Variants in UBR1 observed in about 807,000 individuals in gnomAD.
UBR1 encodes the protein E3 ubiquitin-protein ligase UBR1.
UBR1 carries 102 observed loss-of-function variants against 242.1 expected under a neutral mutation model. The observed-to-expected ratio is 0.42, with a 90% CI of 0.36 to 0.50. UBR1 has a LOEUF of 0.50. UBR1 is among the 20% of genes least tolerant of loss of function. The pLI, the probability that UBR1 is intolerant of heterozygous loss-of-function variation, is 0.01. For missense variants in UBR1, 1,772 were observed against 2,101.8 expected (o/e 0.84, Z 3.07); for synonymous variants, 675 against 684.8 (o/e 0.99, Z 0.22).
chr15:43,006,240 T>C (rs1191320562), intron 30 of UBR1, among the ~76,000 whole-genome samples: 3 of 152,216 alleles, frequency 2.0e-5, no homozygotes, highest in Admixed American at 6.5e-5. Flanking sequence ...ATGGAACTAA[T>C]AGTGATAACT....
rs763162821 is a variant in UBR1 at position 42,983,918 on chromosome 15, G to A, written c.4129C>T (p.His1377Tyr). 2.5e-6 allele frequency: 4 copies of A among 1,612,738 alleles called. No homozygotes were observed. Among genetic ancestry groups the A allele is most frequent in the South Asian group, 1.1e-5 (1 of 90,986 alleles). ...CTACCTGATAGAAGACGAACCAGATGTTTCTGTATCAGGACCTGAGGACAG... is the reference window on the plus strand; with the variant it reads ...CTACCTGATAGAAGACGAACCAGATATTTCTGTATCAGGACCTGAGGACAG... ...ITCPQVLIQK[H>Y]LVRLLSVVLP... The change falls in exon 37 of 47, where the codon CAT becomes TAT. Residue 1377 changes from histidine (H) to tyrosine (Y), a missense_variant. This residue lies in a region of UBR1 where 965 missense variants were observed against 1,079.7 expected (regional missense o/e 0.89). Transcript: ENST00000290650.
chr15:43,060,262 G>A, intron 6 of UBR1, 148 bp from the exon 7 acceptor site: 1 of 796,106 alleles, frequency 1.3e-6, no homozygotes, highest in Non-Finnish European at 2.2e-6. Flanking sequence ...ATATCTGAAA[G>A]ACAGATGCAA....
At chr15:43,069,553 G>A (rs896125289) in intron 5 of UBR1, among the ~76,000 whole-genome samples, 8 of 152,232 alleles carry the variant, frequency 5.3e-5, no homozygotes, top group Non-Finnish European at 1.2e-4. Flanking sequence ...GGGATTACAG[G>A]CGTGAGCCGC....
chr15:42,945,081 A>C lies in UBR1; in HGVS notation c.*248T>G, dbSNP rs2031709825. On this transcript the variant is annotated 3_prime_UTR_variant, in exon 47 of 47. Coordinates refer to ENST00000290650, the MANE Select transcript of UBR1 (RefSeq NM_174916.3). ...ATAAAATGAAATGAGACAAATTATG[A>C]AGGGGAATAAATTCCTGGAAATACT... 2.0e-6 allele frequency: 1 copy of C among 498,824 alleles called. No homozygotes were observed. The highest frequency in any genetic ancestry group is 1.9e-5 in the African/African-American group (1 of 51,510). 30.9% of individuals were successfully genotyped at this position (498,824 alleles called of 1,614,324 possible). A position where few individuals can be genotyped will look rare whatever the true frequency, so the allele number is the denominator to read the frequency against.
chr15:43,083,034 A>G (rs1228013032), intron 2 of UBR1, among the ~76,000 whole-genome samples: 3 of 152,238 alleles, frequency 2.0e-5, no homozygotes, highest in Non-Finnish European at 2.9e-5. Context: ...AAAATAATCC[A>G]CTTTTTCCAT....
intron 40 of UBR1, among the ~76,000 whole-genome samples, chr15:42,967,225 T>TTG (rs1186652728): frequency 6.7e-6 from 1 of 148,194 alleles, no homozygotes; most frequent in Admixed American, 6.7e-5. Context: ...ACTAGTTTTT[T>TTG]TTTTTTTTTT....
intron 1 of UBR1, among the ~76,000 whole-genome samples, chr15:43,098,282 A>C (rs1430310680): frequency 2.6e-5 from 4 of 152,200 alleles, no homozygotes; most frequent in Non-Finnish European, 5.9e-5. Context: ...GTAACATCAA[A>C]GGTCACTGAT....
intron 37 of UBR1, among the ~76,000 whole-genome samples, chr15:42,979,632 C>A (rs965861149): frequency 6.6e-6 from 1 of 152,054 alleles, no homozygotes; most frequent in African/African-American, 2.4e-5. Flanking sequence ...CTCACTACAA[C>A]CTCCGCCTCC....
At chr15:42,969,409 G>A (rs1404265442) in intron 40 of UBR1, among the ~76,000 whole-genome samples, 2 of 152,248 alleles carry the variant, frequency 1.3e-5, no homozygotes, top group Non-Finnish European at 1.5e-5. Context: ...GTAGATTCTG[G>A]ATATTAGCCC....
intron 37 of UBR1, among the ~76,000 whole-genome samples, chr15:42,981,936 T>G (rs1027101757): frequency 6.6e-6 from 1 of 152,246 alleles, no homozygotes; most frequent in Non-Finnish European, 1.5e-5. Context: ...AAAACTTTCA[T>G]ATATAGGCAT....
At chr15:43,010,788 A>T (rs2032911391) in intron 29 of UBR1, among the ~76,000 whole-genome samples, 3 of 149,902 alleles carry the variant, frequency 2.0e-5, no homozygotes, top group Admixed American at 2.0e-4. Context: ...GCCTGGCCAA[A>T]ATGGTGAAAC....
intron 22 of UBR1, 35 bp from the exon 23 acceptor site, chr15:43,026,698 G>T: frequency 6.6e-7 from 1 of 1,521,494 alleles, no homozygotes; most frequent in Non-Finnish European, 9.1e-7. Context: ...GAACTGCAGT[G>T]TTCTTGAAGT....
chr15:43,095,153 C>T (rs954941395), intron 1 of UBR1, among the ~76,000 whole-genome samples: 3 of 152,104 alleles, frequency 2.0e-5, no homozygotes, highest in Admixed American at 6.6e-5. Context: ...AATTACAAGG[C>T]AGAACATGTG....
intron 2 of UBR1, among the ~76,000 whole-genome samples, chr15:43,083,357 TGC>T (rs2033995116): frequency 6.6e-6 from 1 of 152,140 alleles, no homozygotes; most frequent in Admixed American, 6.5e-5. Context: ...TATAAATTAG[TGC>T]AAAGTGCAGG....
intron 33 of UBR1, among the ~76,000 whole-genome samples, chr15:42,990,439 C>T (rs1053517038): frequency 6.6e-6 from 1 of 152,176 alleles, no homozygotes; most frequent in Admixed American, 6.5e-5. Flanking sequence ...TACCAAAGTG[C>T]TGGGATTACA....
intron 6 of UBR1, among the ~76,000 whole-genome samples, chr15:43,064,189 A>AT (rs2033724816): frequency 6.6e-6 from 1 of 152,214 alleles, no homozygotes; most frequent in Non-Finnish European, 1.5e-5. Context: ...TTGATAAACT[A>AT]TTATTTACCC....
chr15:43,102,487 A>G (rs1299360774), intron 1 of UBR1, among the ~76,000 whole-genome samples: 1 of 152,234 alleles, frequency 6.6e-6, no homozygotes. Context: ...ACTAGATGAA[A>G]TCCCCTAGGT....
intron 33 of UBR1, among the ~76,000 whole-genome samples, chr15:42,993,173 T>G (rs984534718): frequency 6.6e-6 from 1 of 152,186 alleles, no homozygotes; most frequent in Non-Finnish European, 1.5e-5. Context: ...AGGACTCAGC[T>G]GTTCTTGAGT....
chr15:43,018,008 G>T (rs1270214763), intron 27 of UBR1, among the ~76,000 whole-genome samples: 16 of 138,426 alleles, frequency 1.2e-4, no homozygotes, highest in South Asian at 2.3e-4. Flanking sequence ...TTGGTTTGTT[G>T]TTTTTTTTTT....
Sources: allele counts gnomAD v4.1 joint callset (sites outside exome capture counted in the v4.1 genomes callset), GRCh38; gene constraint gnomAD v4.1.1; regional missense constraint gnomAD v4.1.1; transcripts MANE v1.5; gene names NCBI Gene and HGNC (gene_info 2026-07-23, HGNC 2026-07-21).